Variants in MEI4 observed in about 807,000 individuals in gnomAD.
MEI4 encodes the protein meiotic double-stranded break formation protein 4.
MEI4 carries 27 observed loss-of-function variants against 31.4 expected under a neutral mutation model. The observed-to-expected ratio is 0.86, with a 90% CI of 0.63 to 1.19. The LOEUF is 1.19. Ranked by LOEUF, MEI4 falls within the 50% of genes most tolerant of loss-of-function variation. The pLI is 0.00. For missense variants in MEI4, 329 were observed against 398.9 expected (o/e 0.82, Z 1.49); for synonymous variants, 122 against 145.4 (o/e 0.84, Z 1.16).
At position 77,742,467 on chromosome 6, in the gene MEI4, T is replaced by G. The variant is rs532777054; in HGVS notation, c.233-18663T>G. On this transcript the variant is annotated intron_variant, in intron 2 of 4. Coordinates refer to ENST00000684080, the MANE Select transcript of MEI4 (RefSeq NM_001322247.2). Reference sequence around the variant, plus strand: ...TCCTTTGCCCACTTTTTGATGGGGTTGTTTGTTTTTTCTTGTAAATTTATT... The same window carrying G: ...TCCTTTGCCCACTTTTTGATGGGGTGGTTTGTTTTTTCTTGTAAATTTATT... Among the ~76,000 whole-genome samples the G allele has an allele frequency of 2.0e-5, 3 of 152,308 alleles. No homozygotes were observed. The East Asian group carries it at 5.8e-4, about 29-fold the overall frequency.
chr6:77,837,786 T>C (rs942006806), intron 4 of MEI4, among the ~76,000 whole-genome samples: 4 of 152,202 alleles, frequency 2.6e-5, no homozygotes, highest in African/African-American at 9.6e-5. Context: ...TCTGCACAAG[T>C]GTGTGTTATG....
At chr6:77,827,972 GA>G (rs1769995203) in intron 3 of MEI4, among the ~76,000 whole-genome samples, 1 of 151,854 alleles carries the variant, frequency 6.6e-6, no homozygotes, top group African/African-American at 2.4e-5. Flanking sequence ...ATTAACTCTA[GA>G]AAAATATATT....
chr6:77,844,623 AT>A (rs1193228663), intron 4 of MEI4, among the ~76,000 whole-genome samples: 2 of 152,162 alleles, frequency 1.3e-5, no homozygotes, highest in Non-Finnish European at 2.9e-5. Context: ...GAAATTGGTA[AT>A]TTTATAAGTG....
At chr6:77,804,348 C>T (rs535163162) in intron 3 of MEI4, among the ~76,000 whole-genome samples, 7 of 152,212 alleles carry the variant, frequency 4.6e-5, no homozygotes, top group Non-Finnish European at 7.3e-5. Flanking sequence ...CAGGTGCCAT[C>T]TGTCACCCCT....
chr6:77,690,476 T>A (rs958883385), intron 1 of MEI4, among the ~76,000 whole-genome samples, 182 bp from the exon 2 acceptor site: 1 of 152,058 alleles, frequency 6.6e-6, no homozygotes, highest in Non-Finnish European at 1.5e-5. Flanking sequence ...GTGTGTGTAT[T>A]TTTCTTCTGC....
At chr6:77,747,390 A>G (rs937967324) in intron 2 of MEI4, among the ~76,000 whole-genome samples, 1 of 152,184 alleles carries the variant, frequency 6.6e-6, no homozygotes, top group Non-Finnish European at 1.5e-5. Context: ...TAATTGACTC[A>G]CAGTTCCAAA....
intron 1 of MEI4, among the ~76,000 whole-genome samples, chr6:77,660,548 G>GT (rs903209393): frequency 1.3e-5 from 2 of 151,654 alleles, no homozygotes; most frequent in Non-Finnish European, 2.9e-5. Context: ...GGGATGACTA[G>GT]TTTTTTTTGG....
chr6:77,894,394 T>A (rs551977238), intron 4 of MEI4, among the ~76,000 whole-genome samples: 81 of 152,000 alleles, frequency 5.3e-4, no homozygotes, highest in East Asian at 7.7e-4. Context: ...TATTTTTTTT[T>A]AAAAAAAAGA....
At chr6:77,804,145 G>A (rs1408252502) in intron 3 of MEI4, among the ~76,000 whole-genome samples, 2 of 152,158 alleles carry the variant, frequency 1.3e-5, no homozygotes, top group Non-Finnish European at 2.9e-5. Flanking sequence ...TGGTGGCTTT[G>A]TTTACCTACT....
rs112244987 is a variant in MEI4 at position 77,675,716 on chromosome 6, C to A, written c.-14-14942C>A. Among the ~76,000 whole-genome samples, 1,205 of 152,056 alleles carry A rather than the reference C, an allele frequency of 7.9e-3. 15 individuals are homozygous for A. Among genetic ancestry groups the A allele is most frequent in the African/African-American group, 0.026 (1,093 of 41,458 alleles). On this transcript the variant is annotated intron_variant, in intron 1 of 4. Coordinates refer to ENST00000684080, the MANE Select transcript of MEI4 (RefSeq NM_001322247.2). ...AATATGAGAGTTTAGGGAGGGAAAA[C>A]CATAGATATAACATCAATTTTCACA...
At chr6:77,764,010 C>T (rs1768106453) in intron 3 of MEI4, among the ~76,000 whole-genome samples, 1 of 152,034 alleles carries the variant, frequency 6.6e-6, no homozygotes. Flanking sequence ...GATGGGGTTT[C>T]ATCATGTTGG....
rs200129062 is a variant in MEI4 at position 77,671,002 on chromosome 6, C to CT, written c.-15+17914dup. On this transcript the variant is annotated intron_variant, in intron 1 of 4. Transcript: ENST00000684080. ...GATCATCAAAAAGCACAATAAAGTG[C>CT]TTTTCCTTTTTTAGCAGTAGAAAGG... is the stretch of plus-strand genomic sequence containing the variant. Among the ~76,000 whole-genome samples, 573 of 148,140 alleles carry CT rather than the reference C, an allele frequency of 3.9e-3. 5 individuals are homozygous for CT. The highest frequency in any genetic ancestry group is 0.014 in the African/African-American group (548 of 40,146).
intron 4 of MEI4, among the ~76,000 whole-genome samples, chr6:77,830,812 C>G (rs1324538943): frequency 1.3e-5 from 2 of 151,934 alleles, no homozygotes; most frequent in African/African-American, 4.8e-5. Flanking sequence ...GAAGAAAACA[C>G]TGGGAAGTGC....
chr6:77,716,898 A>C, intron 2 of MEI4: 1 of 969,756 alleles, frequency 1.0e-6, no homozygotes, highest in South Asian at 4.8e-5. Flanking sequence ...TTAAGTGACC[A>C]GGAGGTCACT....
intron 4 of MEI4, among the ~76,000 whole-genome samples, chr6:77,834,630 G>A (rs1770169671): frequency 6.6e-6 from 1 of 151,940 alleles, no homozygotes; most frequent in South Asian, 2.1e-4. Flanking sequence ...GCCGCTTGCA[G>A]TCTCCAAGCT....
intron 4 of MEI4, among the ~76,000 whole-genome samples, chr6:77,887,064 T>G (rs1771637244): frequency 6.6e-6 from 1 of 152,060 alleles, no homozygotes; most frequent in Admixed American, 6.5e-5. Context: ...TATTTGAAAT[T>G]TTTCTACTTT....
At position 77,883,745 on chromosome 6, in the gene MEI4, A is replaced by ATATATCTATCTATCTAT. The variant is rs55947073; in HGVS notation, c.901-39344_901-39343insTATATCTATCTATCTAT. ...ATATATATATATATATATATATATAACTTTGTCTTTGTCTATTCATTTATT... is the reference window on the plus strand; with the variant it reads ...ATATATATATATATATATATATATAATATATCTATCTATCTATCTTTGTCTTTGTCTATTCATTTATT... On this transcript the variant is annotated intron_variant, in intron 4 of 4. Coordinates refer to ENST00000684080, the MANE Select transcript of MEI4 (RefSeq NM_001322247.2). 5.0e-4 allele frequency among the ~76,000 whole-genome samples: 41 copies of ATATATCTATCTATCTAT among 82,314 alleles called. 1 individual carries two copies. Among genetic ancestry groups the ATATATCTATCTATCTAT allele is most frequent in the African/African-American group, 1.9e-3 (38 of 20,154 alleles). 54.0% of individuals were successfully genotyped at this position (82,314 alleles called of 152,430 possible).
At chr6:77,833,237 A>G (rs1770127390) in intron 4 of MEI4, among the ~76,000 whole-genome samples, 1 of 152,036 alleles carries the variant, frequency 6.6e-6, no homozygotes, top group Admixed American at 6.6e-5. Flanking sequence ...TTTAATAATA[A>G]CTTTGAAAAA....
At chr6:77,736,386 G>C (rs949888166) in intron 2 of MEI4, among the ~76,000 whole-genome samples, 29 of 152,048 alleles carry the variant, frequency 1.9e-4, no homozygotes, top group African/African-American at 6.5e-4. Context: ...GGGTGGGAGT[G>C]ACCCGATTTT....
Sources: gnomAD v4.1 joint callset for allele counts (sites outside exome capture counted in the v4.1 genomes callset) on GRCh38, gnomAD v4.1.1 for gene constraint, MANE v1.5 for transcripts, NCBI Gene and HGNC (gene_info 2026-07-23, HGNC 2026-07-21) for gene names.